Variants in NEB observed in about 807,000 individuals in gnomAD.
The protein encoded by NEB is nebulin.
NEB carries 512 observed loss-of-function variants against 952.2 expected under a neutral mutation model. That is an observed-to-expected ratio of 0.54 (90% CI 0.50 to 0.58). The LOEUF (loss-of-function observed/expected upper bound fraction) is 0.58. NEB is among the 20% of genes least tolerant of loss of function. The pLI, the probability that NEB is intolerant of heterozygous loss-of-function variation, is 0.00. For synonymous variants in NEB, 2,900 were observed against 3,149.8 expected (o/e 0.92, Z 2.66); for missense variants, 8,428 against 9,231.1 (o/e 0.91, Z 3.56).
At chr2:151,683,509 G>A (rs2099447678) in intron 28 of NEB, among the ~76,000 whole-genome samples, 1 of 152,180 alleles carries the variant, frequency 6.6e-6, no homozygotes, top group African/African-American at 2.4e-5. Flanking sequence ...AAAGCATTTA[G>A]TTCCTGCCTG....
intron 47 of NEB, among the ~76,000 whole-genome samples, chr2:151,658,644 G>A (rs2099112566): frequency 6.6e-6 from 1 of 152,124 alleles, no homozygotes; most frequent in African/African-American, 2.4e-5. Context: ...TTGTTTTGGG[G>A]TTTTGCCCCA....
chr2:151,631,100 A>G (rs761742681), intron 66 of NEB, 43 bp downstream of exon 66: 10 of 1,605,942 alleles, frequency 6.2e-6, no homozygotes, highest in African/African-American at 1.3e-5. Context: ...GTATAATAAC[A>G]TCTTCTGGCA....
chr2:151,665,529 T>A lies in NEB; in HGVS notation c.5042A>T (p.Lys1681Ile). The change falls in exon 42 of 182, where the codon AAA becomes ATA. Residue 1681 changes from lysine (K) to isoleucine (I), a missense_variant. This residue lies in a region of NEB where 2,851 missense variants were observed against 2,791.5 expected (regional missense o/e 1.02). Coordinates refer to ENST00000397345, the MANE Select transcript of NEB (RefSeq NM_001164508.2). ...TTTCATCCAATTGGTGAAGTCAGAT[T>A]TGTACAGATTCTTTACAATGAGAAA... The part of the protein sequence containing the change: ...AMQIQSDNLY[K>I]SDFTNWMKGI... 6.2e-7 allele frequency: 1 copy of A among 1,600,534 alleles called. No homozygotes were observed. The highest frequency in any genetic ancestry group is 1.1e-5 in the South Asian group (1 of 88,572).
At chr2:151,660,103 C>T (rs982387772) in intron 46 of NEB, among the ~76,000 whole-genome samples, 1 of 152,138 alleles carries the variant, frequency 6.6e-6, no homozygotes, top group African/African-American at 2.4e-5. Context: ...CCCAGATAAC[C>T]ACATTCAACA....
chr2:151,678,913 T>G (rs1293416777), intron 32 of NEB, among the ~76,000 whole-genome samples: 1 of 152,102 alleles, frequency 6.6e-6, no homozygotes, highest in Non-Finnish European at 1.5e-5. Context: ...CATCACATAT[T>G]TACACTGGTG....
intron 38 of NEB, 131 bp downstream of exon 38, chr2:151,670,892 C>G (rs2099277671): frequency 2.1e-6 from 2 of 958,776 alleles, no homozygotes; most frequent in Admixed American, 2.1e-5. Context: ...AGCCCTTTCT[C>G]TCATACCTAT....
intron 29 of NEB, among the ~76,000 whole-genome samples, chr2:151,681,393 G>A (rs1576154292): frequency 6.6e-6 from 1 of 152,350 alleles, no homozygotes; most frequent in South Asian, 2.1e-4. Flanking sequence ...GGGCACTGCA[G>A]AGGAGACCCT....
chr2:151,532,559 A>G (rs2091858099), intron 143 of NEB, among the ~76,000 whole-genome samples: 1 of 152,076 alleles, frequency 6.6e-6, no homozygotes, highest in Admixed American at 6.5e-5. Context: ...AGCACCATAA[A>G]ATTTCATGCA....
chr2:151,626,913 G>C (rs2098537599), intron 70 of NEB, 89 bp downstream of exon 70: 2 of 1,465,598 alleles, frequency 1.4e-6, no homozygotes, highest in Non-Finnish European at 1.9e-6. Flanking sequence ...CAATTTAATT[G>C]GATTTAAAAA....
In NEB at chr2:151,655,904, G is replaced by A. The variant is rs200018782; in HGVS notation, c.6615C>T (p.Arg2205=). The change falls in exon 50 of 182, where the codon CGC becomes CGT. Residue 2205 remains arginine (R), a synonymous_variant. Coordinates refer to ENST00000397345, the MANE Select transcript of NEB (RefSeq NM_001164508.2). The part of the protein sequence containing the change: ...ATEYASDQKY[R]QHPSNFQFKK... The stretch of plus-strand genomic sequence containing the variant: ...TAAACTGGAAGTTGCTCGGGTGCTG[G>A]CGGTATTTCTGATCACTGGCATATT... 107 of 1,613,664 alleles carry A rather than the reference G, an allele frequency of 6.6e-5. No homozygotes were observed. Among genetic ancestry groups the A allele is most frequent in the Non-Finnish European group, 8.8e-5 (104 of 1,179,814 alleles).
chr2:151,692,213 A>T, intron 21 of NEB, 47 bp from the exon 22 acceptor site: 1 of 1,609,068 alleles, frequency 6.2e-7, no homozygotes, highest in Non-Finnish European at 8.5e-7. Context: ...CATTTGTCAA[A>T]CAGTAGGAAA....
intron 114 of NEB, among the ~76,000 whole-genome samples, chr2:151,566,899 A>G (rs1353611482): frequency 1.3e-5 from 2 of 152,176 alleles, no homozygotes; most frequent in Non-Finnish European, 2.9e-5. Flanking sequence ...AATGTGAGTG[A>G]GGAGTTGCTG....
chr2:151,690,921 T>A (rs994543771), intron 23 of NEB, 96 bp from the exon 24 acceptor site: 7 of 889,482 alleles, frequency 7.9e-6, no homozygotes, highest in Non-Finnish European at 1.3e-5. Flanking sequence ...CAGAGTTTAT[T>A]TTGTTCCTGA....
Position 151,550,096 on chromosome 2 carries a change from A to C in NEB, c.19945-356T>G, listed in dbSNP as rs370372224. ...AGCCTGGACAACATAGCAAGATCCC[A>C]CCTCTATAAAAAATTTTAAAATTAG... is the stretch of plus-strand genomic sequence containing the variant. On this transcript the variant is annotated intron_variant, in intron 129 of 181. Transcript: ENST00000397345. Among the ~76,000 whole-genome samples, 269 of 151,848 alleles carry C rather than the reference A, an allele frequency of 1.8e-3. 2 individuals carry two copies. In the South Asian group the frequency reaches 0.03, roughly 17 times the overall value.
At chr2:151,668,892 C>T in intron 39 of NEB, 135 bp downstream of exon 39, 3 of 605,784 alleles carry the variant, frequency 5.0e-6, no homozygotes, top group South Asian at 2.9e-5. Context: ...GCTCATGTTG[C>T]ATGGTTAAGG....
Position 151,650,319 on chromosome 2 carries a change from A to G in NEB, c.7288T>C (p.Leu2430=), listed in dbSNP as rs753498671. 6.2e-7 allele frequency: 1 copy of G among 1,613,874 alleles called. No homozygotes were observed. The highest frequency in any genetic ancestry group is 8.5e-7 in the Non-Finnish European group (1 of 1,179,836). Residue 2430 remains leucine (L), a synonymous_variant, in exon 54 of 182, where the codon TTA becomes CTA. Transcript: ENST00000397345. ...RGIGWSPLGS[L]EAEKNKRASE... is the part of the protein sequence containing the mutation. ...GCCCGCTTGTTCTTTTCTGCCTCTAAAGAACCCAAGGGACTCCATCCTATG... is the reference window on the plus strand; with the variant it reads ...GCCCGCTTGTTCTTTTCTGCCTCTAGAGAACCCAAGGGACTCCATCCTATG...
chr2:151,524,539 T>C lies in NEB; in HGVS notation c.22350A>G (p.Thr7450=). The change falls in exon 152 of 182, where the codon ACA becomes ACG. Residue 7450 remains threonine, a synonymous_variant. Coordinates refer to ENST00000397345, the MANE Select transcript of NEB (RefSeq NM_001164508.2). The stretch of plus-strand genomic sequence containing the variant: ...CCTCACTGGCCTGTTTGGCTGCCTG[T>C]GTGGCCTTCTTGATGTCTGGTCGAT... ...VADRPDIKKA[T]QAAKQASEVE... 6.2e-7 allele frequency: 1 copy of C among 1,613,886 alleles called. No individual in the cohort carries two copies. The highest frequency in any genetic ancestry group is 8.5e-7 in the Non-Finnish European group (1 of 1,179,858).
At position 151,656,361 on chromosome 2, in the gene NEB, A is replaced by C. The variant is rs1443257911; in HGVS notation, c.6287T>G (p.Met2096Arg). 6.2e-7 allele frequency: 1 copy of C among 1,613,502 alleles called. No individual in the cohort carries two copies. The highest frequency in any genetic ancestry group is 8.5e-7 in the Non-Finnish European group (1 of 1,179,694). ...KLVHSMQVAK[M>R]QSDREYKKNY... The stretch of plus-strand genomic sequence containing the variant: ...TTTCTTGTACTCCCGATCAGATTGC[A>C]TCTTAGCCACTTGCATGGAATGGAC... Residue 2096 changes from methionine to arginine, a missense_variant, in exon 49 of 182, where the codon ATG (methionine) becomes AGG (arginine). Transcript: ENST00000397345.
chr2:151,696,254 A>G (rs181246909), intron 17 of NEB, among the ~76,000 whole-genome samples: 54 of 152,332 alleles, frequency 3.5e-4, no homozygotes, highest in African/African-American at 1.3e-3. Context: ...GGGTATGTGC[A>G]GTGCATATTT....
Sources: gnomAD v4.1 joint callset for allele counts (sites outside exome capture counted in the v4.1 genomes callset) on GRCh38, gnomAD v4.1.1 for gene constraint, gnomAD v4.1.1 regional missense constraint, MANE v1.5 for transcripts, NCBI Gene and HGNC (gene_info 2026-07-23, HGNC 2026-07-21) for gene names.